Variants in ADGRL3 observed in about 807,000 individuals in gnomAD.
ADGRL3 encodes the protein adhesion G protein-coupled receptor L3.
Under a neutral mutation model 153.5 loss-of-function variants are expected in ADGRL3, and 62 were observed. The ratio of observed to expected loss-of-function variants is 0.40; its 90% CI spans 0.33 to 0.50. The LOEUF (loss-of-function observed/expected upper bound fraction) is 0.50, where lower values mean the gene tolerates loss of function less well. Ranked by LOEUF, ADGRL3 falls within the 20% of genes least tolerant of loss-of-function variation. The pLI is 0.47. For synonymous variants in ADGRL3, 710 were observed against 672.5 expected (o/e 1.06, Z -0.86); for missense variants, 1,641 against 1,859.4 (o/e 0.88, Z 2.16).
intron 4 of ADGRL3, among the ~76,000 whole-genome samples, chr4:61,549,465 C>G (rs1263834462): frequency 2.6e-5 from 4 of 151,864 alleles, no homozygotes; most frequent in Non-Finnish European, 1.5e-5. Context: ...TTAGATTGTT[C>G]CTCCTCATTT....
intron 10 of ADGRL3, 80 bp from the exon 11 acceptor site, chr4:61,895,651 C>T: frequency 5.7e-6 from 4 of 697,560 alleles, no homozygotes; most frequent in Non-Finnish European, 7.2e-6. Context: ...TCATTTTTAC[C>T]TTTGCTTATT....
chr4:61,894,247 A>C (rs1292115278), intron 10 of ADGRL3, among the ~76,000 whole-genome samples: 1 of 152,076 alleles, frequency 6.6e-6, no homozygotes, highest in East Asian at 1.9e-4. Context: ...ATTGATTTGG[A>C]TACTTTAAGG....
In ADGRL3 at chr4:62,070,630, C is replaced by T. The variant is rs775110784; in HGVS notation, c.4354C>T (p.Leu1452Phe). The T allele has an allele frequency of 2.8e-5, 43 of 1,551,560 alleles. No homozygotes were observed. Among genetic ancestry groups the T allele is most frequent in the Non-Finnish European group, 3.0e-5 (34 of 1,147,022 alleles). The change falls in exon 27 of 27, where the codon CTC (leucine) becomes TTC (phenylalanine). Residue 1452 changes from leucine (L) to phenylalanine (F), a missense_variant. By Grantham distance (22) the Leu-to-Phe change is conservative. This residue lies in a region of ADGRL3 where 517 missense variants were observed against 555.0 expected (regional missense o/e 0.93). Coordinates refer to ENST00000683033, the MANE Select transcript of ADGRL3 (RefSeq NM_001387552.1). ...EDLQSPHRDSLYTSMPTLAGV... is the reference protein window; with the variant it reads ...EDLQSPHRDSFYTSMPTLAGV... ...TCTCCAGTCACCCCATAGAGACTCT[C>T]TCTATACCAGCATGCCGACACTGGC...
intron 3 of ADGRL3, among the ~76,000 whole-genome samples, chr4:61,506,294 C>A (rs962029929): frequency 1.2e-4 from 18 of 151,280 alleles, no homozygotes; most frequent in African/African-American, 3.6e-4. Flanking sequence ...GAATTAGAAC[C>A]AAAAAAAACA....
Position 61,649,929 on chromosome 4 carries a change from G to T in ADGRL3, c.474-26897G>T, listed in dbSNP as rs1354787397. ...TTTTAGGAGGGAATTGTGATTTTTTGTTCCAGTAGAAGTGACAAAGATTTA... is the reference window on the plus strand; with the variant it reads ...TTTTAGGAGGGAATTGTGATTTTTTTTTCCAGTAGAAGTGACAAAGATTTA... On this transcript the variant is annotated intron_variant, in intron 5 of 26. Coordinates refer to ENST00000683033, the MANE Select transcript of ADGRL3 (RefSeq NM_001387552.1). Among the ~76,000 whole-genome samples the T allele has an allele frequency of 3.3e-5, 5 of 152,186 alleles. No homozygotes were observed. In the East Asian group the frequency reaches 5.8e-4, roughly 18 times the overall value.
intron 2 of ADGRL3, among the ~76,000 whole-genome samples, chr4:61,408,397 G>C (rs2097031852): frequency 6.6e-6 from 1 of 151,556 alleles, no homozygotes; most frequent in Admixed American, 6.6e-5. Flanking sequence ...CAGCCCATGG[G>C]GGTATTAGCT....
chr4:61,798,885 G>A (rs1429842381), intron 8 of ADGRL3, among the ~76,000 whole-genome samples: 2 of 150,656 alleles, frequency 1.3e-5, no homozygotes, highest in Non-Finnish European at 3.0e-5. Context: ...CAAAGTGCTG[G>A]GATCATAGGC....
At chr4:61,417,325 C>T (rs1372444277) in intron 2 of ADGRL3, among the ~76,000 whole-genome samples, 3 of 151,938 alleles carry the variant, frequency 2.0e-5, no homozygotes, top group Non-Finnish European at 4.4e-5. Context: ...CCCATCTCTA[C>T]AAATAAAATA....
chr4:61,249,331 A>G (rs1188370485), intron 1 of ADGRL3, among the ~76,000 whole-genome samples: 3 of 152,166 alleles, frequency 2.0e-5, no homozygotes, highest in African/African-American at 7.2e-5. Context: ...GACAGTACAG[A>G]AATACATTTC....
At chr4:61,890,309 A>C (rs1221266137) in intron 9 of ADGRL3, among the ~76,000 whole-genome samples, 1 of 152,224 alleles carries the variant, frequency 6.6e-6, no homozygotes, top group Admixed American at 6.5e-5. Flanking sequence ...AAATAGTTGG[A>C]GTTAGCTTTT....
chr4:61,773,583 G>T (rs990235343), intron 8 of ADGRL3, among the ~76,000 whole-genome samples: 5 of 152,058 alleles, frequency 3.3e-5, no homozygotes, highest in African/African-American at 9.7e-5. Context: ...TGCGTTGCAG[G>T]TACTGTGCTT....
At chr4:61,297,573 C>T (rs7666153) in intron 1 of ADGRL3, among the ~76,000 whole-genome samples, 98,224 of 151,814 alleles carry the variant, frequency 0.65, 32,304 homozygotes, top group South Asian at 0.73. Context: ...CATTTTTTTT[C>T]CTTGTTTTTT....
chr4:61,468,078 A>G (rs1477832919), intron 2 of ADGRL3, among the ~76,000 whole-genome samples: 6 of 152,268 alleles, frequency 3.9e-5, no homozygotes, highest in Admixed American at 6.5e-5. Context: ...TCTTTAAATC[A>G]TTGCAGTCTG....
chr4:62,017,274 T>C (rs1305402908), intron 21 of ADGRL3, among the ~76,000 whole-genome samples: 5 of 151,878 alleles, frequency 3.3e-5, no homozygotes, highest in Non-Finnish European at 7.4e-5. Context: ...AAAATACACA[T>C]ATTGAAGTTT....
intron 5 of ADGRL3, among the ~76,000 whole-genome samples, chr4:61,590,981 A>T (rs1242976923): frequency 1.3e-5 from 2 of 152,166 alleles, no homozygotes; most frequent in Non-Finnish European, 2.9e-5. Context: ...TCCGTATATC[A>T]TACGTGTACA....
intron 1 of ADGRL3, among the ~76,000 whole-genome samples, chr4:61,371,303 T>C (rs2151723063): frequency 6.6e-6 from 1 of 151,344 alleles, no homozygotes; most frequent in East Asian, 2.0e-4. Flanking sequence ...TGCTCGTTAG[T>C]TGATGCAGTT....
chr4:61,365,282 T>G (rs1045445452), intron 1 of ADGRL3, among the ~76,000 whole-genome samples: 7 of 152,066 alleles, frequency 4.6e-5, no homozygotes, highest in African/African-American at 1.7e-4. Flanking sequence ...AATTTACCAC[T>G]CAGAAGTTTA....
At chr4:61,577,293 T>G (rs1022637777) in intron 4 of ADGRL3, among the ~76,000 whole-genome samples, 15 of 151,858 alleles carry the variant, frequency 9.9e-5, no homozygotes, top group African/African-American at 3.4e-4. Flanking sequence ...TATAGTGCAG[T>G]GAGGCATTTG....
chr4:61,219,166 C>A (rs1351227640), intron 1 of ADGRL3, among the ~76,000 whole-genome samples: 1 of 152,098 alleles, frequency 6.6e-6, no homozygotes, highest in Non-Finnish European at 1.5e-5. Flanking sequence ...TTTGACTATA[C>A]TATGCTGTAC....
Sources: allele counts gnomAD v4.1 joint callset (sites outside exome capture counted in the v4.1 genomes callset), GRCh38; gene constraint gnomAD v4.1.1; regional missense constraint gnomAD v4.1.1; transcripts MANE v1.5; gene names NCBI Gene and HGNC (gene_info 2026-07-23, HGNC 2026-07-21).